CFAP65: variants seen among roughly 807,000 people sequenced by gnomAD.
The protein encoded by CFAP65 is cilia- and flagella-associated protein 65.
Under a neutral mutation model 208.0 loss-of-function variants are expected in CFAP65, and 155 were observed. The observed-to-expected ratio is 0.75, with a 90% CI of 0.65 to 0.85. The LOEUF (loss-of-function observed/expected upper bound fraction) is 0.85, where lower values mean the gene tolerates loss of function less well. Among genes scored for constraint, CFAP65 ranks in the 40% least tolerant of loss-of-function variants. The pLI, the probability that CFAP65 is intolerant of heterozygous loss-of-function variation, is 0.00. For missense variants in CFAP65, 2,294 were observed against 2,451.3 expected (o/e 0.94, Z 1.36); for synonymous variants, 970 against 986.3 (o/e 0.98, Z 0.31).
At chr2:219,029,947 G>T in intron 10 of CFAP65, 39 bp downstream of exon 10, 1 of 1,578,090 alleles carries the variant, frequency 6.3e-7, no homozygotes, top group East Asian at 2.2e-5. Context: ...AGCAGGGGCT[G>T]CTCCTGTCCC....
intron 4 of CFAP65, among the ~76,000 whole-genome samples, chr2:219,036,422 A>T (rs993253955): frequency 1.3e-5 from 2 of 150,036 alleles, no homozygotes; most frequent in Admixed American, 6.6e-5. Flanking sequence ...TGCCATGCGC[A>T]CTCAACTCAT....
At position 219,027,992 on chromosome 2, in the gene CFAP65, C is replaced by T. The variant is rs529884436; in HGVS notation, c.1869G>A (p.Pro623=). ...GGGGGATATAAGGGTACTGCGGGGC[C>T]GGCATGTCCTCCAGATCCTGCATGG... ...MIPIQDLEDM[P]APQYPYIPPM... is the part of the protein sequence containing the mutation. The change falls in exon 13 of 35, where the codon CCG becomes CCA. Residue 623 remains proline (P), a synonymous_variant. Transcript: ENST00000341552. 6.5e-5 allele frequency: 98 copies of T among 1,517,130 alleles called. No individual in the cohort carries two copies. In the South Asian group the frequency reaches 9.1e-4, roughly 14 times the overall value. The allele number at this position is 1,517,130 out of a possible 1,614,324, so 94.0% of individuals were successfully genotyped here.
rs941118167 is a variant in CFAP65 at position 219,020,943 on chromosome 2, T to C, written c.3259+209A>G. ...ATAAGTCAGCACAGCTCCTAACTCT[T>C]TGCACTGGGCACATGCACATATGGA... On this transcript the variant is annotated intron_variant, in intron 19 of 34. Coordinates refer to ENST00000341552, the MANE Select transcript of CFAP65 (RefSeq NM_194302.4). Among the ~76,000 whole-genome samples, 6 of 152,158 alleles carry C rather than the reference T, an allele frequency of 3.9e-5. No individual in the cohort carries two copies. The East Asian group carries it at 1.2e-3, about 29-fold the overall frequency.
chr2:219,009,381 T>C lies in CFAP65; in HGVS notation c.4532A>G (p.His1511Arg), dbSNP rs912319569. 3 of 1,612,690 alleles carry C rather than the reference T, an allele frequency of 1.9e-6. No individual in the cohort carries two copies. Among genetic ancestry groups the C allele is most frequent in the East Asian group, 2.2e-5 (1 of 44,864 alleles). Reference sequence around the variant, plus strand: ...CAGGTCTGCACTGTAGAAGCTGGCATGCACAGAGGCCCTCAAGGTCACCAC... The same window carrying C: ...CAGGTCTGCACTGTAGAAGCTGGCACGCACAGAGGCCCTCAAGGTCACCAC... Reference protein sequence around the residue: ...PFVVTLRASVHASFYSADLVC... With the variant: ...PFVVTLRASVRASFYSADLVC... The change falls in exon 28 of 35, where the codon CAT (histidine) becomes CGT (arginine). Residue 1511 changes from histidine to arginine, a missense_variant. By Grantham distance (29) the His-to-Arg change is conservative. This residue lies in a region of CFAP65 where 1,427 missense variants were observed against 1,438.7 expected (regional missense o/e 0.99). Coordinates refer to ENST00000341552, the MANE Select transcript of CFAP65 (RefSeq NM_194302.4).
rs761775492 is a variant in CFAP65, at chr2:219,013,851, TG to T, written c.3779+16del. 5.4e-5 allele frequency: 82 copies of T among 1,530,740 alleles called. 1 individual carries two copies. Among genetic ancestry groups the T allele is most frequent in the South Asian group, 3.1e-4 (25 of 81,736 alleles). 94.8% of individuals were successfully genotyped at this position (1,530,740 alleles called of 1,614,324 possible). Reference sequence around the variant, plus strand: ...TCTATGACTGGAAGTGCAGGGGGTTTGGGGGGTGGGGAACACCTGTATTTTA... The same window carrying T: ...TCTATGACTGGAAGTGCAGGGGGTTTGGGGGTGGGGAACACCTGTATTTTA... On this transcript the variant is annotated intron_variant, in intron 22 of 34. Transcript: ENST00000341552.
chr2:219,022,127 G>C (rs200482738), intron 17 of CFAP65, 44 bp downstream of exon 17: 8 of 1,527,256 alleles, frequency 5.2e-6, no homozygotes, highest in African/African-American at 4.1e-5. Flanking sequence ...CCACCTGTCC[G>C]GGCCTCTCCC....
chr2:219,024,425 G>A (rs1055583450), intron 14 of CFAP65, among the ~76,000 whole-genome samples, 165 bp from the exon 15 acceptor site: 1 of 133,390 alleles, frequency 7.5e-6, no homozygotes, highest in Non-Finnish European at 1.6e-5. Context: ...AGGAGGCCAC[G>A]AGCTGACACC....
Position 219,022,196 on chromosome 2 carries a change from C to T in CFAP65, c.2954G>A (p.Gly985Asp), listed in dbSNP as rs766504669. The change falls in exon 17 of 35, where the codon GGC (glycine) becomes GAC (aspartate). Residue 985 changes from glycine (G) to aspartate (D), a missense_variant. Around this residue, in one of 2 missense-constraint regions of CFAP65, gnomAD observed 1,427 missense variants for 1,438.7 expected, o/e 0.99. Transcript: ENST00000341552. ...ATTHYMLRLV[G>D]VGLTSSLSAK... ...AGAGAGGCTGCTGGTGAGCCCAACG[C>T]CCACCAGCCGGAGCATGTAGTGGGT... 8 of 1,603,466 alleles carry T rather than the reference C, an allele frequency of 5.0e-6. No homozygotes were observed. The East Asian group carries it at 1.8e-4, about 36-fold the overall frequency.
rs1303022009 is a variant in CFAP65 at position 219,019,574 on chromosome 2, C to T, written c.3405G>A (p.Leu1135=). 1 of 1,613,750 alleles carries T rather than the reference C, an allele frequency of 6.2e-7. No homozygotes were observed. The highest frequency in any genetic ancestry group is 8.5e-7 in the Non-Finnish European group (1 of 1,180,020). Residue 1135 remains leucine (L), a synonymous_variant, in exon 20 of 35, where the codon CTG becomes CTA. Transcript: ENST00000341552. ...GGTCACGCTCCAAGTAACTGTTAAG[C>T]AGGTCCAGAGAGAAGAGGCGCCACA... ...KHLWRLFSLD[L]LNSYLERDPT... is the part of the protein sequence containing the mutation.
intron 30 of CFAP65, 51 bp downstream of exon 30, chr2:219,006,413 AG>A (rs1945985685): frequency 6.2e-7 from 1 of 1,603,820 alleles, no homozygotes; most frequent in African/African-American, 1.3e-5. Flanking sequence ...GGAGCAAGCA[AG>A]GACCCTCCCA....
intron 5 of CFAP65, 66 bp downstream of exon 5, chr2:219,035,414 T>G (rs1186954898): frequency 3.1e-6 from 5 of 1,613,872 alleles, no homozygotes; most frequent in Non-Finnish European, 4.2e-6. Context: ...TTGTTTTGTT[T>G]TGAAGAGAGC....
chr2:219,038,363 C>T lies in CFAP65; in HGVS notation c.357+12G>A. On this transcript the variant is annotated intron_variant, in intron 4 of 34. Transcript: ENST00000341552. ...CCACACCCTGCTCTGCCTGCCCTGGCTGTATCCTTACCTGGGCGCTGATGG... is the reference window on the plus strand; with the variant it reads ...CCACACCCTGCTCTGCCTGCCCTGGTTGTATCCTTACCTGGGCGCTGATGG... The T allele has an allele frequency of 6.2e-7, 1 of 1,611,216 alleles. No individual in the cohort carries two copies.
intron 24 of CFAP65, 27 bp downstream of exon 24, chr2:219,013,232 G>C: frequency 6.7e-7 from 1 of 1,501,628 alleles, no homozygotes; most frequent in Non-Finnish European, 9.3e-7. Context: ...GGCCTTCTTG[G>C]TCAACAGGAC....
At chr2:219,027,622 A>T (rs199761810) in intron 13 of CFAP65, 28 bp downstream of exon 13, 75 of 1,613,264 alleles carry the variant, frequency 4.6e-5, no homozygotes, top group Non-Finnish European at 6.3e-5. Flanking sequence ...GAGACCCCGC[A>T]TTCCTCCCTC....
rs764796596 is a variant in CFAP65, at chr2:219,023,334, G to A, written c.2693C>T (p.Thr898Ile). The stretch of plus-strand genomic sequence containing the variant: ...GGGGTTGCGGAAGGTGAAGGGGCTG[G>A]TGGAGGAGCAGCCCACCCAGGTGGG... ...FKPTWVGCSS[T>I]SPFTFRNPSR... Residue 898 changes from threonine (T) to isoleucine (I), a missense_variant, in exon 16 of 35, where the codon ACC becomes ATC. Physicochemically the swap from Thr to Ile is moderately conservative, Grantham distance 89 (BLOSUM62 -1). Transcript: ENST00000341552. The A allele has an allele frequency of 6.2e-7, 1 of 1,612,062 alleles. No homozygotes were observed. Among genetic ancestry groups the A allele is most frequent in the Admixed American group, 1.7e-5 (1 of 59,836 alleles).
intron 4 of CFAP65, among the ~76,000 whole-genome samples, chr2:219,035,938 G>T (rs1258695653): frequency 1.3e-5 from 2 of 152,116 alleles, no homozygotes; most frequent in Non-Finnish European, 2.9e-5. Context: ...TCCCTGGGCG[G>T]CTCCATCAGC....
At position 219,006,120 on chromosome 2, in the gene CFAP65, G is replaced by A. The variant is rs755921576; in HGVS notation, c.4823C>T (p.Ser1608Leu). The change falls in exon 31 of 35, where the codon TCG (serine) becomes TTG (leucine). Residue 1608 changes from serine (S) to leucine (L), a missense_variant. By Grantham distance (145) the Ser-to-Leu change is moderately radical. Transcript: ENST00000341552. Reference sequence around the variant, plus strand: ...AAGGCCCAGGCAGAGCATGCCTGGCGAGGGTGGCTGGGGGCAGGGCCAGGA... The same window carrying A: ...AAGGCCCAGGCAGAGCATGCCTGGCAAGGGTGGCTGGGGGCAGGGCCAGGA... ...EVSWPCPQPP[S>L]PGMLCLGLTA... 5.0e-6 allele frequency: 8 copies of A among 1,613,510 alleles called. No individual in the cohort carries two copies. The East Asian group carries it at 8.9e-5, about 18-fold the overall frequency.
intron 19 of CFAP65, 77 bp downstream of exon 19, chr2:219,021,075 C>T: frequency 7.0e-7 from 1 of 1,433,506 alleles, no homozygotes. Flanking sequence ...CGCTCGGCAT[C>T]CACTGCCTCA....
chr2:219,021,093 C>T, intron 19 of CFAP65, 59 bp downstream of exon 19: 1 of 1,462,178 alleles, frequency 6.8e-7, no homozygotes, highest in Non-Finnish European at 9.1e-7. Flanking sequence ...TCACACAGCC[C>T]TCCCCCTTCA....
Sources: allele counts gnomAD v4.1 joint callset (sites outside exome capture counted in the v4.1 genomes callset), GRCh38; gene constraint gnomAD v4.1.1; regional missense constraint gnomAD v4.1.1; transcripts MANE v1.5; gene names NCBI Gene and HGNC (gene_info 2026-07-23, HGNC 2026-07-21).